Variants in PNPLA8 observed in about 807,000 individuals in gnomAD.
The protein encoded by PNPLA8 is calcium-independent phospholipase A2-gamma.
Under a neutral mutation model 76.9 loss-of-function variants are expected in PNPLA8, and 39 were observed. That is an observed-to-expected ratio of 0.51 (90% CI 0.39 to 0.66). The LOEUF (loss-of-function observed/expected upper bound fraction) is 0.66, where lower values mean the gene tolerates loss of function less well. Among genes scored for constraint, PNPLA8 ranks in the 30% least tolerant of loss-of-function variants. PNPLA8 has a pLI of 0.00. For synonymous variants in PNPLA8, 301 were observed against 307.9 expected (o/e 0.98, Z 0.24); for missense variants, 887 against 918.0 (o/e 0.97, Z 0.44).
chr7:108,527,128 A>C (rs1224171510), upstream of PNPLA8, among the ~76,000 whole-genome samples: 1 of 152,206 alleles, frequency 6.6e-6, no homozygotes, highest in East Asian at 1.9e-4. Context: ...AAATGTTATC[A>C]AGACTTATAC....
intron 4 of PNPLA8, among the ~76,000 whole-genome samples, chr7:108,507,643 C>CA (rs1222383682): frequency 1.3e-5 from 2 of 150,518 alleles, no homozygotes; most frequent in East Asian, 3.9e-4. Context: ...CTCTGTCTCC[C>CA]AAAAAAAGAA....
chr7:108,520,262 TA>T (rs1370015909), intron 2 of PNPLA8, among the ~76,000 whole-genome samples: 1 of 152,196 alleles, frequency 6.6e-6, no homozygotes, highest in Non-Finnish European at 1.5e-5. Context: ...GTCAATAAGA[TA>T]AGCCAAGTTA....
chr7:108,486,080 A>G (rs975288161), intron 9 of PNPLA8, among the ~76,000 whole-genome samples: 2 of 152,122 alleles, frequency 1.3e-5, no homozygotes, highest in African/African-American at 4.8e-5. Flanking sequence ...TGAAATGGAA[A>G]AGGAACCACT....
At position 108,491,449 on chromosome 7, in the gene PNPLA8, T is replaced by C. The variant is rs749945650; in HGVS notation, c.1644A>G (p.Ala548=). ...ENILKDRMGS[A]LMIETARNPT... is the part of the protein sequence containing the mutation. ...GGTTTCTTGCTGTTTCAATCATCAGTGCAGATCCCATCCTATCCCTTTATT... is the reference window on the plus strand; with the variant it reads ...GGTTTCTTGCTGTTTCAATCATCAGCGCAGATCCCATCCTATCCCTTTATT... Residue 548 remains alanine, a synonymous_variant, in exon 8 of 11, where the codon GCA becomes GCG. Transcript: ENST00000257694. The C allele has an allele frequency of 1.9e-6, 3 of 1,604,160 alleles. No homozygotes were observed. Among genetic ancestry groups the C allele is most frequent in the African/African-American group, 2.7e-5 (2 of 74,730 alleles).
intron 8 of PNPLA8, among the ~76,000 whole-genome samples, chr7:108,490,460 A>G (rs1392068653): frequency 6.6e-6 from 1 of 152,216 alleles, no homozygotes; most frequent in Non-Finnish European, 1.5e-5. Context: ...TATTGTATCT[A>G]AGAGGCATAT....
At position 108,479,396 on chromosome 7, in the gene PNPLA8, A is replaced by G. The variant is rs758521186; in HGVS notation, c.1879-17T>C. 12 of 1,571,062 alleles carry G rather than the reference A, an allele frequency of 7.6e-6. No homozygotes were observed. The highest frequency in any genetic ancestry group is 1.0e-5 in the Non-Finnish European group (12 of 1,152,926). The stretch of plus-strand genomic sequence containing the variant: ...ACCTCCATCCTGCAAAATACAAGTT[A>G]AAAAAAGAAACTTTTAAAACTGACT... On this transcript the variant is annotated splice_polypyrimidine_tract_variant and intron_variant, in intron 9 of 10. Coordinates refer to ENST00000257694, the MANE Select transcript of PNPLA8 (RefSeq NM_001256007.3).
chr7:108,513,339 G>A (rs1250585382), intron 4 of PNPLA8, among the ~76,000 whole-genome samples: 3 of 152,050 alleles, frequency 2.0e-5, no homozygotes, highest in East Asian at 3.9e-4. Context: ...CTATAATAAT[G>A]TATGTGTTAT....
intron 4 of PNPLA8, among the ~76,000 whole-genome samples, chr7:108,513,387 C>A (rs1353419764): frequency 6.6e-6 from 1 of 151,930 alleles, no homozygotes; most frequent in Non-Finnish European, 1.5e-5. Flanking sequence ...TATTCAAAGA[C>A]AATTTTTCAA....
chr7:108,506,097 G>C (rs1336315512), intron 4 of PNPLA8, among the ~76,000 whole-genome samples: 1 of 152,132 alleles, frequency 6.6e-6, no homozygotes, highest in Non-Finnish European at 1.5e-5. Flanking sequence ...ATTTAAAAAG[G>C]TTGGGCACAG....
At chr7:108,513,211 C>G (rs944378686) in intron 4 of PNPLA8, among the ~76,000 whole-genome samples, 2 of 151,984 alleles carry the variant, frequency 1.3e-5, no homozygotes, top group Non-Finnish European at 2.9e-5. Context: ...CAGTATATCA[C>G]TGAAATGTGA....
At chr7:108,517,811 C>G (rs1217515514) in intron 2 of PNPLA8, among the ~76,000 whole-genome samples, 2 of 152,002 alleles carry the variant, frequency 1.3e-5, no homozygotes, top group Non-Finnish European at 1.5e-5. Context: ...ACTCTGTCAC[C>G]CAGGCTGGAG....
In PNPLA8 at chr7:108,510,726, G is replaced by T. The variant is rs572298609; in HGVS notation, c.1206+3418C>A. 45 of 1,600,696 alleles carry T rather than the reference G, an allele frequency of 2.8e-5. No homozygotes were observed. In the South Asian group the frequency reaches 3.5e-4, roughly 13 times the overall value. ...GGTTATGGCAAAATCAATAAGAAGC[G>T]AATTGCTTTGACAGATAACGCTTTG... is the stretch of plus-strand genomic sequence containing the variant. On this transcript the variant is annotated intron_variant, in intron 4 of 10. Coordinates refer to ENST00000257694, the MANE Select transcript of PNPLA8 (RefSeq NM_001256007.3).
chr7:108,502,261 G>A (rs1411593023), intron 5 of PNPLA8, among the ~76,000 whole-genome samples: 1 of 151,576 alleles, frequency 6.6e-6, no homozygotes, highest in East Asian at 1.9e-4. Flanking sequence ...TGGCCAATAT[G>A]GTGAAACCCT....
rs2154515604 is a variant in PNPLA8, at chr7:108,496,690, G to A, written c.1519C>T (p.Arg507Ter). 4 of 1,610,838 alleles carry A rather than the reference G, an allele frequency of 2.5e-6. No homozygotes were observed. The highest frequency in any genetic ancestry group is 2.2e-5 in the East Asian group (1 of 44,658). Residue 507 changes from arginine to a stop codon, truncating the protein, a stop_gained, in exon 7 of 11, where the codon CGA becomes TGA. Coordinates refer to ENST00000257694, the MANE Select transcript of PNPLA8 (RefSeq NM_001256007.3). LOFTEE classifies it high-confidence loss of function. The stretch of plus-strand genomic sequence containing the variant: ...GAAAATACATCTGATCCTAATTTTC[G>A]ATAAAGTTCCTCACATTCATCCAAG... ...MPLDECEELY[R>*]KLGSDVFSQN...
rs1860770775 is a variant in PNPLA8, at chr7:108,486,813, A to G, written c.1878+946T>C. Among the ~76,000 whole-genome samples the G allele has an allele frequency of 1.3e-5, 2 of 152,138 alleles. 1 individual carries two copies. Among genetic ancestry groups the G allele is most frequent in the Admixed American group, 1.3e-4 (2 of 15,282 alleles). On this transcript the variant is annotated intron_variant, in intron 9 of 10. Transcript: ENST00000257694. ...GTATGAGTTTTTGAATGCCGTCTTA[A>G]TATCTCTGTCAACAGCGTAAGATTT...
rs137959034 is a variant in PNPLA8 at position 108,475,078 on chromosome 7, T to C, written c.2075-2403A>G. 3.9e-5 allele frequency among the ~76,000 whole-genome samples: 6 copies of C among 152,166 alleles called. No homozygotes were observed. In the East Asian group the frequency reaches 7.7e-4, roughly 20 times the overall value. On this transcript the variant is annotated intron_variant, in intron 10 of 10. Coordinates refer to ENST00000257694, the MANE Select transcript of PNPLA8 (RefSeq NM_001256007.3). ...GATTCTCATAAGACTGCAAACCCTA[T>C]TGTGAACTGAGCATGCAAGGGATCT...
Position 108,514,201 on chromosome 7 carries a change from A to C in PNPLA8, c.1149T>G (p.Val383=), listed in dbSNP as rs1456598589. Residue 383 remains valine (V), a synonymous_variant, in exon 4 of 11, where the codon GTT becomes GTG. Coordinates refer to ENST00000257694, the MANE Select transcript of PNPLA8 (RefSeq NM_001256007.3). ...TTDPKLCITR[V]EELTFHLLEF... is the part of the protein sequence containing the mutation. ...CTAGAAGATGAAAAGTCAGTTCTTCAACCCTAGTAATGCAGAGCTTTGGGT... is the reference window on the plus strand; with the variant it reads ...CTAGAAGATGAAAAGTCAGTTCTTCCACCCTAGTAATGCAGAGCTTTGGGT... 6.2e-7 allele frequency: 1 copy of C among 1,609,274 alleles called. No homozygotes were observed. Among genetic ancestry groups the C allele is most frequent in the South Asian group, 1.1e-5 (1 of 90,870 alleles).
intron 4 of PNPLA8, among the ~76,000 whole-genome samples, chr7:108,503,250 A>G (rs1290728719): frequency 6.6e-6 from 1 of 152,238 alleles, no homozygotes; most frequent in Admixed American, 6.5e-5. Flanking sequence ...CTTAAATCCT[A>G]GAGTTCTATG....
rs767245222 is a variant in PNPLA8 at position 108,479,196 on chromosome 7, T to C, written c.2062A>G (p.Thr688Ala). The change falls in exon 10 of 11, where the codon ACA becomes GCA. Residue 688 changes from threonine to alanine, a missense_variant. Thr to Ala is a moderately conservative substitution (Grantham distance 58). Coordinates refer to ENST00000257694, the MANE Select transcript of PNPLA8 (RefSeq NM_001256007.3). Reference sequence around the variant, plus strand: ...AAACAAGACTAACCTTCTGTATCTGTAGCACTGTTGATAACATTAGAAAGT... The same window carrying C: ...AAACAAGACTAACCTTCTGTATCTGCAGCACTGTTGATAACATTAGAAAGT... The part of the protein sequence containing the change: ...TKLSNVINSA[T>A]DTEEVHIMLD... The C allele has an allele frequency of 8.1e-6, 13 of 1,609,004 alleles. No homozygotes were observed. Among genetic ancestry groups the C allele is most frequent in the East Asian group, 2.2e-5 (1 of 44,876 alleles).
Sources: allele counts gnomAD v4.1 joint callset (sites outside exome capture counted in the v4.1 genomes callset), GRCh38; gene constraint gnomAD v4.1.1; transcripts MANE v1.5; gene names NCBI Gene and HGNC (gene_info 2026-07-23, HGNC 2026-07-21).